Variants in ADGRL3 observed in about 807,000 individuals in gnomAD.
ADGRL3 encodes calcium-independent alpha-latrotoxin receptor 3.
Under a neutral mutation model 153.5 loss-of-function variants are expected in ADGRL3, and 62 were observed. That is an observed-to-expected ratio of 0.40 (90% CI 0.33 to 0.50). ADGRL3 has a LOEUF of 0.50. ADGRL3 is among the 20% of genes least tolerant of loss of function. The probability of loss-of-function intolerance (pLI) is 0.47; values close to 1 mark genes in which losing one functional copy is unlikely to be tolerated. For synonymous variants in ADGRL3, 710 were observed against 672.5 expected, an observed-to-expected ratio of 1.06 and a Z score of -0.86; for missense variants, 1,641 against 1,859.4, an observed-to-expected ratio of 0.88 and a Z score of 2.16.
intron 2 of ADGRL3, among the ~76,000 whole-genome samples, chr4:61,487,026 T>G (rs2152761539): frequency 6.6e-6 from 1 of 152,346 alleles, no homozygotes; most frequent in South Asian, 2.1e-4. Context: ...AAGTTTGTTT[T>G]AATATTTTAG....
chr4:61,711,493 C>CACACAT (rs1482144676), intron 6 of ADGRL3, among the ~76,000 whole-genome samples: 71 of 31,936 alleles, frequency 2.2e-3, no homozygotes, highest in South Asian at 5.0e-3. Flanking sequence ...TATATATATA[C>CACACAT]ACACACACAC....
intron 1 of ADGRL3, among the ~76,000 whole-genome samples, chr4:61,342,543 T>A (rs114705796): frequency 0.018 from 2,762 of 152,164 alleles, 35 homozygotes; most frequent in Non-Finnish European, 0.03. Flanking sequence ...TCTGTCAGTC[T>A]CTTCTTTGGA....
At chr4:61,337,469 T>C (rs2095703650) in intron 1 of ADGRL3, among the ~76,000 whole-genome samples, 1 of 152,150 alleles carries the variant, frequency 6.6e-6, no homozygotes, top group Admixed American at 6.6e-5. Flanking sequence ...ACTGGAGAAA[T>C]GCTGTGCCTC....
intron 2 of ADGRL3, among the ~76,000 whole-genome samples, chr4:61,432,379 A>G (rs1192287887): frequency 6.6e-6 from 1 of 152,152 alleles, no homozygotes; most frequent in Non-Finnish European, 1.5e-5. Flanking sequence ...CTTTTGAAAG[A>G]CAAGAGAAGC....
chr4:61,509,221 G>A (rs1476911039), intron 3 of ADGRL3, among the ~76,000 whole-genome samples: 3 of 144,682 alleles, frequency 2.1e-5, no homozygotes, highest in South Asian at 2.2e-4. Flanking sequence ...TCCGCCTCCC[G>A]GGTTCAAGTG....
Position 62,070,129 on chromosome 4 carries a change from A to G in ADGRL3, c.3853A>G (p.Arg1285Gly). 2 of 1,613,558 alleles carry G rather than the reference A, an allele frequency of 1.2e-6. No individual in the cohort carries two copies. Among genetic ancestry groups the G allele is most frequent in the East Asian group, 2.2e-5 (1 of 44,858 alleles). ...TTCAGAGGGGCTTCTGAACAATGCC[A>G]GGGATACAAGTGTCATGGATACTCT... is the stretch of plus-strand genomic sequence containing the variant. ...RETKGLLNNA[R>G]DTSVMDTLPL... Residue 1285 changes from arginine (R) to glycine (G), a missense_variant, in exon 27 of 27, where the codon AGG becomes GGG. Around this residue, in one of 5 missense-constraint regions of ADGRL3, gnomAD observed 517 missense variants for 555.0 expected, o/e 0.93. Transcript: ENST00000683033.
At chr4:61,927,897 G>GTCTA (rs530764124) in intron 13 of ADGRL3, among the ~76,000 whole-genome samples, 25 of 150,990 alleles carry the variant, frequency 1.7e-4, no homozygotes, top group Admixed American at 4.6e-4. Context: ...ATTTTCATCT[G>GTCTA]TCTATCTATC....
intron 1 of ADGRL3, among the ~76,000 whole-genome samples, chr4:61,276,852 A>T (rs746527072): frequency 4.6e-5 from 7 of 152,126 alleles, no homozygotes; most frequent in Admixed American, 1.3e-4. Context: ...AAAAATAGGG[A>T]TAATACCCAA....
intron 2 of ADGRL3, among the ~76,000 whole-genome samples, chr4:61,457,957 A>T (rs887360940): frequency 7.9e-5 from 12 of 151,804 alleles, no homozygotes; most frequent in Non-Finnish European, 1.5e-4. Flanking sequence ...ACAACCATTG[A>T]TTTTTAAAGT....
chr4:62,011,718 G>A (rs950339290), intron 21 of ADGRL3, among the ~76,000 whole-genome samples: 2 of 151,682 alleles, frequency 1.3e-5, no homozygotes, highest in African/African-American at 4.8e-5. Context: ...GTTTGAATAC[G>A]GTTTTCAGAA....
intron 4 of ADGRL3, among the ~76,000 whole-genome samples, chr4:61,520,920 C>G (rs189217895): frequency 3.3e-5 from 5 of 152,126 alleles, no homozygotes; most frequent in African/African-American, 7.2e-5. Flanking sequence ...TTGTGCACCA[C>G]TCCTCCCCTC....
rs149485069 is a variant in ADGRL3, at chr4:61,738,122, T to G, written c.1399+4568T>G. 4.3e-3 allele frequency among the ~76,000 whole-genome samples: 650 copies of G among 152,204 alleles called. 5 individuals are homozygous for G. The highest frequency in any genetic ancestry group is 0.014 in the African/African-American group (602 of 41,530). ...GTCCCCAAAGTCCACTGTATCATTC[T>G]TATGCCTTTTGCATCCTCATAGCTT... On this transcript the variant is annotated intron_variant, in intron 8 of 26. Coordinates refer to ENST00000683033, the MANE Select transcript of ADGRL3 (RefSeq NM_001387552.1).
chr4:61,656,516 A>C (rs1245910430), intron 5 of ADGRL3, among the ~76,000 whole-genome samples: 1 of 152,190 alleles, frequency 6.6e-6, no homozygotes, highest in Non-Finnish European at 1.5e-5. Context: ...CACAGGTAAA[A>C]AATGACTATA....
At chr4:61,498,978 C>A (rs1359788081) in intron 3 of ADGRL3, among the ~76,000 whole-genome samples, 15 of 152,128 alleles carry the variant, frequency 9.9e-5, no homozygotes. Context: ...AAAAAGGACA[C>A]AGCTGTATTT....
chr4:61,593,540 A>C (rs561600845), intron 5 of ADGRL3, among the ~76,000 whole-genome samples: 100 of 152,246 alleles, frequency 6.6e-4, no homozygotes, highest in African/African-American at 2.2e-3. Context: ...TCATGCTTAA[A>C]GGATATTTTC....
intron 8 of ADGRL3, among the ~76,000 whole-genome samples, chr4:61,772,596 G>A (rs1196133355): frequency 2.0e-5 from 3 of 152,178 alleles, no homozygotes; most frequent in Non-Finnish European, 4.4e-5. Flanking sequence ...TTATGAAAAA[G>A]TGTGATAGGG....
chr4:61,342,884 G>A (rs1028655955), intron 1 of ADGRL3, among the ~76,000 whole-genome samples: 3 of 152,092 alleles, frequency 2.0e-5, no homozygotes, highest in African/African-American at 7.2e-5. Context: ...CCGAGACTGG[G>A]TAATTGTAAA....
chr4:61,419,219 A>G (rs1311511225), intron 2 of ADGRL3, among the ~76,000 whole-genome samples: 7 of 150,870 alleles, frequency 4.6e-5, no homozygotes. Context: ...ATGCTTATTA[A>G]TGGAAGTGAG....
chr4:62,071,201 C>A lies in ADGRL3; in HGVS notation c.*293C>A. On this transcript the variant is annotated 3_prime_UTR_variant, in exon 27 of 27. Transcript: ENST00000683033. Reference sequence around the variant, plus strand: ...TGAAGAAAATGGCACTCATTGTGGCCTTGTTGAATTATGTTGTGTATGTTT... The same window carrying A: ...TGAAGAAAATGGCACTCATTGTGGCATTGTTGAATTATGTTGTGTATGTTT... The A allele has an allele frequency of 3.6e-6, 1 of 280,452 alleles. No homozygotes were observed. The highest frequency in any genetic ancestry group is 6.5e-5 in the East Asian group (1 of 15,492). 17.4% of individuals were successfully genotyped at this position (280,452 alleles called of 1,614,324 possible). A position where few individuals can be genotyped will look rare whatever the true frequency, so the allele number is the denominator to read the frequency against.
Sources: allele counts gnomAD v4.1 joint callset (sites outside exome capture counted in the v4.1 genomes callset), GRCh38; gene constraint gnomAD v4.1.1; regional missense constraint gnomAD v4.1.1; transcripts MANE v1.5; gene names NCBI Gene and HGNC (gene_info 2026-07-23, HGNC 2026-07-21).